TPCN1: variants seen among roughly 807,000 people sequenced by gnomAD.
TPCN1 encodes the protein two pore segment channel 1.
TPCN1 carries 52 observed loss-of-function variants against 108.8 expected under a neutral mutation model. That is an observed-to-expected ratio of 0.48 (90% CI 0.38 to 0.60). The LOEUF is 0.60. Ranked by LOEUF, TPCN1 falls within the 20% of genes least tolerant of loss-of-function variation. TPCN1 has a pLI of 0.00. For synonymous variants in TPCN1, 446 were observed against 433.7 expected, an observed-to-expected ratio of 1.03 and a Z score of -0.35; for missense variants, 806 against 1,072.8, an observed-to-expected ratio of 0.75 and a Z score of 3.47.
chr12:113,293,214 A>AG, intron 26 of TPCN1, 55 bp from the exon 27 acceptor site: 1 of 1,606,692 alleles, frequency 6.2e-7, no homozygotes, highest in Non-Finnish European at 8.5e-7. Context: ...CTGTGGCACC[A>AG]GGGGTGGGAC....
At chr12:113,251,023 C>T (rs903389208) in intron 2 of TPCN1, among the ~76,000 whole-genome samples, 2 of 151,930 alleles carry the variant, frequency 1.3e-5, no homozygotes, top group African/African-American at 4.8e-5. Context: ...TTCTTTCCGG[C>T]CAGGTGCAGT....
chr12:113,287,844 G>A (rs980814208), intron 19 of TPCN1, among the ~76,000 whole-genome samples: 4 of 152,126 alleles, frequency 2.6e-5, no homozygotes, highest in Non-Finnish European at 5.9e-5. Flanking sequence ...GCTTCTCCCC[G>A]CTCTTTCCCA....
rs371919825 is a variant in TPCN1, at chr12:113,293,033, C to G, written c.2213C>G (p.Thr738Ser). Residue 738 changes from threonine (T) to serine (S), a missense_variant, in exon 26 of 28, where the codon ACC becomes AGC. Thr to Ser is a moderately conservative substitution (Grantham distance 58, BLOSUM62 1). Coordinates refer to ENST00000335509, the MANE Select transcript of TPCN1 (RefSeq NM_017901.6). ...REARGASSDVTRLLETLSQME... is the reference protein window; with the variant it reads ...REARGASSDVSRLLETLSQME... ...GCACGGGGGGCCTCCTCGGATGTCA[C>G]CAGGCTGCTGGAGACCCTCTCCCAG... 1 of 1,613,200 alleles carries G rather than the reference C, an allele frequency of 6.2e-7. No individual in the cohort carries two copies. The highest frequency in any genetic ancestry group is 8.5e-7 in the Non-Finnish European group (1 of 1,179,954).
In TPCN1 at chr12:113,292,822, TAG is replaced by T. The variant is rs1281914313; in HGVS notation, c.2114-104_2114-103del. The T allele has an allele frequency of 4.0e-6, 5 of 1,259,316 alleles. No homozygotes were observed. In the African/African-American group the frequency reaches 6.0e-5, roughly 15 times the overall value. 78.0% of individuals were successfully genotyped at this position (1,259,316 alleles called of 1,614,324 possible). On this transcript the variant is annotated intron_variant, in intron 25 of 27. Coordinates refer to ENST00000335509, the MANE Select transcript of TPCN1 (RefSeq NM_017901.6). The stretch of plus-strand genomic sequence containing the variant: ...GCAGGACACCAATGCAGTGTCGGTT[TAG>T]AGAGAGAACCTTAAGACCCCCTGCG...
chr12:113,275,395 C>T (rs1033426395), intron 10 of TPCN1, among the ~76,000 whole-genome samples: 2 of 150,408 alleles, frequency 1.3e-5, no homozygotes, highest in Non-Finnish European at 1.5e-5. Context: ...ATGCACATGC[C>T]GCCACACCCG....
At chr12:113,293,232 TCTGCAGCCGAGCC>T in intron 26 of TPCN1, 24 bp from the exon 27 acceptor site, 1 of 1,611,476 alleles carries the variant, frequency 6.2e-7, no homozygotes, top group Non-Finnish European at 8.5e-7. Context: ...GACCTGAATA[TCTGCAGCCGAGCC>T]CTGCAGCCTC....
chr12:113,288,953 C>T lies in TPCN1; in HGVS notation c.1796+106C>T. 1 of 1,131,104 alleles carries T rather than the reference C, an allele frequency of 8.8e-7. No individual in the cohort carries two copies. The highest frequency in any genetic ancestry group is 2.4e-5 in the East Asian group (1 of 42,440). The allele number at this position is 1,131,104 out of a possible 1,614,324, so 70.1% of individuals were successfully genotyped here. On this transcript the variant is annotated intron_variant, in intron 21 of 27. Coordinates refer to ENST00000335509, the MANE Select transcript of TPCN1 (RefSeq NM_017901.6). The surrounding 1 kb of genome is among the most constrained non-coding windows in gnomAD (Gnocchi z 4.8). ...GGCCTTGGGGTCCTCGGGGATGTTC[C>T]TGTCTAAGCAACCACCTTGCTTTGC...
In TPCN1 at chr12:113,280,279, C is replaced by T. The variant is rs561992629; in HGVS notation, c.1342+84C>T. The T allele has an allele frequency of 1.8e-5, 21 of 1,135,700 alleles. No homozygotes were observed. The Admixed American group carries it at 2.3e-4, about 13-fold the overall frequency. The allele number at this position is 1,135,700 out of a possible 1,614,324, so 70.4% of individuals were successfully genotyped here. A position where few individuals can be genotyped will look rare whatever the true frequency, so the allele number is the denominator to read the frequency against. On this transcript the variant is annotated intron_variant, in intron 15 of 27. Transcript: ENST00000335509. Reference sequence around the variant, plus strand: ...GAAGCGGGAGAGGCAAGAGATTGGTCCTAGAGTCCTGTGTTTGACTTTTTA... The same window carrying T: ...GAAGCGGGAGAGGCAAGAGATTGGTTCTAGAGTCCTGTGTTTGACTTTTTA...
chr12:113,240,839 C>G (rs1046624375), intron 2 of TPCN1, among the ~76,000 whole-genome samples: 7 of 151,886 alleles, frequency 4.6e-5, no homozygotes. Context: ...CTCGGCTTCC[C>G]AGGTTCAAGT....
At chr12:113,223,466 G>A (rs971911818) in intron 1 of TPCN1, among the ~76,000 whole-genome samples, 3 of 139,956 alleles carry the variant, frequency 2.1e-5, no homozygotes, top group Admixed American at 7.1e-5. Context: ...TCTTCTCAGC[G>A]GAAACGGGAA....
At chr12:113,244,658 G>A (rs960358256) in intron 2 of TPCN1, 8 of 985,314 alleles carry the variant, frequency 8.1e-6, no homozygotes, top group African/African-American at 1.7e-5. Flanking sequence ...ATGGTGTGGG[G>A]CTCTCAGTGA....
At chr12:113,223,451 T>C (rs1024260037) in intron 1 of TPCN1, among the ~76,000 whole-genome samples, 7 of 151,956 alleles carry the variant, frequency 4.6e-5, no homozygotes, top group African/African-American at 1.7e-4. Context: ...TTTTTTTTTT[T>C]TGGTTCTTCT....
intron 2 of TPCN1, chr12:113,244,431 C>T: frequency 1.0e-6 from 1 of 985,454 alleles, no homozygotes; most frequent in Non-Finnish European, 1.2e-6. Context: ...AATGCGGGTC[C>T]ACCTTCCATA....
chr12:113,260,639 G>A (rs1954995289), intron 3 of TPCN1, 147 bp downstream of exon 3: 1 of 1,088,746 alleles, frequency 9.2e-7, no homozygotes, highest in Non-Finnish European at 1.3e-6. Context: ...TCATAAGATG[G>A]GCTGACCTGA....
Position 113,272,788 on chromosome 12 carries a change from G to A in TPCN1, c.783+96G>A. The stretch of plus-strand genomic sequence containing the variant: ...TGACCCTGTGGCCATATGGGGAAGG[G>A]GGGGCCTGCCTGGTTTCTCATCATA... On this transcript the variant is annotated intron_variant, in intron 8 of 27. Coordinates refer to ENST00000335509, the MANE Select transcript of TPCN1 (RefSeq NM_017901.6). The surrounding 1 kb of genome is among the most constrained non-coding windows in gnomAD (Gnocchi z 4.1). 7.9e-7 allele frequency: 1 copy of A among 1,260,340 alleles called. No homozygotes were observed. The highest frequency in any genetic ancestry group is 1.2e-6 in the Non-Finnish European group (1 of 859,262). The allele number at this position is 1,260,340 out of a possible 1,614,324, so 78.1% of individuals were successfully genotyped here. A position where few individuals can be genotyped will look rare whatever the true frequency, so the allele number is the denominator to read the frequency against.
rs1956171721 is a variant in TPCN1 at position 113,288,706 on chromosome 12, G to T, written c.1707-52G>T. The T allele has an allele frequency of 1.2e-6, 2 of 1,603,294 alleles. No homozygotes were observed. Among genetic ancestry groups the T allele is most frequent in the Non-Finnish European group, 8.5e-7 (1 of 1,178,096 alleles). ...GTCCGAGGAGGCCGGGGCTGCAGAGGAGCCGTTCCCTCCTGCCGGCCCCGC... is the reference window on the plus strand; with the variant it reads ...GTCCGAGGAGGCCGGGGCTGCAGAGTAGCCGTTCCCTCCTGCCGGCCCCGC... On this transcript the variant is annotated intron_variant, in intron 20 of 27. Transcript: ENST00000335509. The surrounding 1 kb of genome is among the most constrained non-coding windows in gnomAD (Gnocchi z 4.8).
At chr12:113,264,707 A>G (rs576124289) in intron 3 of TPCN1, among the ~76,000 whole-genome samples, 14 of 152,314 alleles carry the variant, frequency 9.2e-5, no homozygotes, top group Admixed American at 3.3e-4. Flanking sequence ...AAGTTGTTAC[A>G]TAACATATAA....
At chr12:113,227,844 CA>C (rs1256534578) in intron 2 of TPCN1, among the ~76,000 whole-genome samples, 2 of 152,134 alleles carry the variant, frequency 1.3e-5, no homozygotes, top group East Asian at 1.9e-4. Context: ...AGTTGAGTTG[CA>C]GGGAGTTTGG....
At position 113,260,149 on chromosome 12, in the gene TPCN1, T is replaced by C. The variant is rs559123140; in HGVS notation, c.113-219T>C. ...TAGAGAGCATACTATTTGTACTCTT[T>C]TGTACTTGCTTTTTTCACTTATCAA... is the stretch of plus-strand genomic sequence containing the variant. On this transcript the variant is annotated intron_variant, in intron 2 of 27. Transcript: ENST00000335509. 5.0e-4 allele frequency among the ~76,000 whole-genome samples: 76 copies of C among 152,330 alleles called. 3 individuals carry two copies. In the South Asian group the frequency reaches 0.011, roughly 22 times the overall value.
Sources: allele counts gnomAD v4.1 joint callset (sites outside exome capture counted in the v4.1 genomes callset), GRCh38; gene constraint gnomAD v4.1.1; non-coding constraint Gnocchi (gnomAD v3.1); transcripts MANE v1.5; gene names NCBI Gene and HGNC (gene_info 2026-07-23, HGNC 2026-07-21).